RGSL1: variants seen among roughly 807,000 people sequenced by gnomAD.
RGSL1 encodes the protein regulator of G protein signaling protein-like.
In RGSL1, 97 loss-of-function variants were observed where a neutral mutation model predicts 124.7. The observed-to-expected ratio is 0.78, with a 90% CI of 0.66 to 0.92. RGSL1 has a LOEUF of 0.92. Among genes scored for constraint, RGSL1 ranks in the 40% least tolerant of loss-of-function variants. RGSL1 has a pLI of 0.00. For missense variants in RGSL1, 1,233 were observed against 1,288.4 expected, an observed-to-expected ratio of 0.96 and a Z score of 0.66; for synonymous variants, 424 against 438.1, an observed-to-expected ratio of 0.97 and a Z score of 0.40.
In RGSL1 at chr1:182,492,882, G is replaced by C. The variant is rs1395741976; in HGVS notation, c.1718-140G>C. ...CTGACTTTGTGATCCACCCATCTCA[G>C]CCTCCCAAAGTGCTGGGATTACAAA... On this transcript the variant is annotated intron_variant, in intron 8 of 21. Transcript: ENST00000294854. The C allele has an allele frequency of 1.7e-4, 107 of 645,118 alleles. No individual in the cohort carries two copies. The East Asian group carries it at 2.9e-3, about 18-fold the overall frequency. The allele number at this position is 645,118 out of a possible 1,614,324, so 40.0% of individuals were successfully genotyped here.
At chr1:182,455,727 G>A (rs1652263645) in intron 2 of RGSL1, among the ~76,000 whole-genome samples, 1 of 152,250 alleles carries the variant, frequency 6.6e-6, no homozygotes, top group South Asian at 2.1e-4. Flanking sequence ...CAAATTGTAA[G>A]TAACTCAGGA....
intron 18 of RGSL1, among the ~76,000 whole-genome samples, 158 bp from the exon 19 acceptor site, chr1:182,553,297 G>T (rs922321870): frequency 2.0e-5 from 3 of 152,152 alleles, no homozygotes; most frequent in Non-Finnish European, 4.4e-5. Context: ...TCAAACCATA[G>T]CATCTCACAT....
At chr1:182,494,648 C>G (rs1350907788) in intron 9 of RGSL1, among the ~76,000 whole-genome samples, 1 of 151,680 alleles carries the variant, frequency 6.6e-6, no homozygotes, top group Non-Finnish European at 1.5e-5. Context: ...AAATGGAACA[C>G]TTCTTTCATT....
At chr1:182,531,155 G>A (rs1659146189) in intron 13 of RGSL1, among the ~76,000 whole-genome samples, 1 of 152,154 alleles carries the variant, frequency 6.6e-6, no homozygotes, top group African/African-American at 2.4e-5. Flanking sequence ...GATTGGCAAT[G>A]AAGCAAAGTG....
At chr1:182,453,925 G>A in intron 1 of RGSL1, 33 bp from the exon 2 acceptor site, 1 of 1,187,846 alleles carries the variant, frequency 8.4e-7, no homozygotes, top group Non-Finnish European at 1.2e-6. Context: ...TCTGGTTCAT[G>A]TTTTGTTTTT....
intron 9 of RGSL1, among the ~76,000 whole-genome samples, chr1:182,515,560 G>GGT (rs1553268044): frequency 2.8e-5 from 4 of 141,606 alleles, no homozygotes; most frequent in African/African-American, 7.7e-5. Context: ...AAAAGGGGGG[G>GGT]GCGGGGTGGA....
Position 182,473,933 on chromosome 1 carries a change from T to G in RGSL1, c.822T>G (p.Ala274=). The G allele has an allele frequency of 6.4e-7, 1 of 1,552,046 alleles. No homozygotes were observed. Reference sequence around the variant, plus strand: ...TGGAAATGGATCTCAAGCCAGATGCTATTGGTATGCCCCTACAGGAGACAT... The same window carrying G: ...TGGAAATGGATCTCAAGCCAGATGCGATTGGTATGCCCCTACAGGAGACAT... ...WSLEMDLKPD[A]IGMPLQETCP... Residue 274 remains alanine (A), a synonymous_variant, in exon 6 of 22, where the codon GCT becomes GCG. Coordinates refer to ENST00000294854, the MANE Select transcript of RGSL1 (RefSeq NM_001137669.2).
rs183283358 is a variant in RGSL1, at chr1:182,466,103, A to G, written c.301+5970A>G. On this transcript the variant is annotated intron_variant, in intron 4 of 21. Coordinates refer to ENST00000294854, the MANE Select transcript of RGSL1 (RefSeq NM_001137669.2). ...AATAGATGCAGAAAAAGCATTTGAC[A>G]AAATACAACACCCTTTCATGAAAAA... Among the ~76,000 whole-genome samples, 86 of 151,696 alleles carry G rather than the reference A, an allele frequency of 5.7e-4. 1 individual carries two copies. The South Asian group carries it at 6.3e-3, about 11-fold the overall frequency.
intron 10 of RGSL1, 134 bp downstream of exon 10, chr1:182,522,243 C>CAG (rs1285985716): frequency 1.5e-6 from 1 of 659,034 alleles, no homozygotes; most frequent in Non-Finnish European, 2.7e-6. Flanking sequence ...CATACAGGTA[C>CAG]AGACACTCTT....
chr1:182,535,944 A>T (rs1377348552), intron 14 of RGSL1, among the ~76,000 whole-genome samples: 1 of 152,094 alleles, frequency 6.6e-6, no homozygotes, highest in Non-Finnish European at 1.5e-5. Flanking sequence ...TCCCCGCTCC[A>T]CTACTACTCT....
At chr1:182,530,662 T>G (rs1218506216) in intron 12 of RGSL1, 128 bp from the exon 13 acceptor site, 7 of 1,094,678 alleles carry the variant, frequency 6.4e-6, no homozygotes, top group Non-Finnish European at 8.9e-6. Context: ...AGAGAATTTT[T>G]TAGTATTTTA....
intron 13 of RGSL1, 35 bp downstream of exon 13, chr1:182,530,945 G>A: frequency 6.5e-7 from 1 of 1,532,434 alleles, no homozygotes; most frequent in Non-Finnish European, 8.8e-7. Flanking sequence ...AGACATTAGA[G>A]ACAAGAAAAC....
At chr1:182,521,704 G>A (rs376876595) in intron 9 of RGSL1, among the ~76,000 whole-genome samples, 1 of 152,190 alleles carries the variant, frequency 6.6e-6, no homozygotes, top group African/African-American at 2.4e-5. Flanking sequence ...GTTGGAGGAG[G>A]CCTGACATTT....
intron 17 of RGSL1, chr1:182,550,368 A>G (rs1464150680): frequency 1.3e-5 from 2 of 152,212 alleles, no homozygotes; most frequent in African/African-American, 4.8e-5. Flanking sequence ...GCCTATTGAG[A>G]TAGAACAGAC....
chr1:182,517,494 C>G (rs546897379), intron 9 of RGSL1, among the ~76,000 whole-genome samples: 1 of 152,052 alleles, frequency 6.6e-6, no homozygotes, highest in African/African-American at 2.4e-5. Flanking sequence ...GACTTCCTCT[C>G]AAACACCAGT....
intron 9 of RGSL1, among the ~76,000 whole-genome samples, chr1:182,508,392 C>T (rs1420124143): frequency 4.0e-5 from 6 of 150,034 alleles, no homozygotes; most frequent in Non-Finnish European, 5.9e-5. Context: ...CTCCGCCTCC[C>T]GGGTTCAAGT....
chr1:182,551,881 G>C (rs956632565), intron 18 of RGSL1, among the ~76,000 whole-genome samples: 2 of 152,118 alleles, frequency 1.3e-5, no homozygotes, highest in Non-Finnish European at 2.9e-5. Flanking sequence ...ATGTTTAGAT[G>C]CACAGATACC....
At chr1:182,532,020 C>A (rs1034022679) in intron 13 of RGSL1, among the ~76,000 whole-genome samples, 1 of 152,064 alleles carries the variant, frequency 6.6e-6, no homozygotes, top group Non-Finnish European at 1.5e-5. Flanking sequence ...CTGTCTAAAG[C>A]GAGGCTTATG....
At position 182,489,041 on chromosome 1, in the gene RGSL1, A is replaced by G; in HGVS notation, c.1556A>G (p.Asn519Ser). 1 of 1,551,644 alleles carries G rather than the reference A, an allele frequency of 6.4e-7. No homozygotes were observed. The highest frequency in any genetic ancestry group is 8.7e-7 in the Non-Finnish European group (1 of 1,146,990). ...HKREFIGKEE[N>S]ILLYKRIQQS... is the part of the protein sequence containing the mutation. ...AGAGAATTTATAGGCAAAGAAGAGA[A>G]CATTCTTCTTTATAAGAGGATTCAG... is the stretch of plus-strand genomic sequence containing the variant. Residue 519 changes from asparagine to serine, a missense_variant, in exon 8 of 22, where the codon AAC (asparagine) becomes AGC (serine). By Grantham distance (46) the Asn-to-Ser change is conservative. Coordinates refer to ENST00000294854, the MANE Select transcript of RGSL1 (RefSeq NM_001137669.2).
Sources: gnomAD v4.1 joint callset for allele counts (sites outside exome capture counted in the v4.1 genomes callset) on GRCh38, gnomAD v4.1.1 for gene constraint, MANE v1.5 for transcripts, NCBI Gene and HGNC (gene_info 2026-07-23, HGNC 2026-07-21) for gene names.